CAMK1D: variants seen among roughly 807,000 people sequenced by gnomAD.
The protein encoded by CAMK1D is calcium/calmodulin-dependent protein kinase type 1D.
CAMK1D carries 9 observed loss-of-function variants against 47.7 expected under a neutral mutation model. That is an observed-to-expected ratio of 0.19 (90% CI 0.11 to 0.33). The LOEUF is 0.33. CAMK1D is among the 10% of genes least tolerant of loss of function. CAMK1D has a pLI of 1.00. For missense variants in CAMK1D, 291 were observed against 488.7 expected, an observed-to-expected ratio of 0.60 and a Z score of 3.81; for synonymous variants, 184 against 184.9, an observed-to-expected ratio of 0.99 and a Z score of 0.04.
chr10:12,364,928 A>G (rs375989417), intron 1 of CAMK1D, among the ~76,000 whole-genome samples: 72 of 151,906 alleles, frequency 4.7e-4, no homozygotes, highest in African/African-American at 1.7e-3. Flanking sequence ...CTGCCAGTGA[A>G]GAACTATGGA....
intron 1 of CAMK1D, among the ~76,000 whole-genome samples, chr10:12,512,518 C>T (rs1835070197): frequency 6.6e-6 from 1 of 152,210 alleles, no homozygotes; most frequent in Non-Finnish European, 1.5e-5. Context: ...GCCTCAGCAG[C>T]TGCCCGTTGG....
chr10:12,697,160 G>C (rs1237947095), intron 3 of CAMK1D, among the ~76,000 whole-genome samples: 1 of 152,166 alleles, frequency 6.6e-6, no homozygotes, highest in Non-Finnish European at 1.5e-5. Flanking sequence ...AAATGTGGAG[G>C]CAAATTTGAG....
chr10:12,542,999 G>A (rs914251463), intron 1 of CAMK1D, among the ~76,000 whole-genome samples: 1 of 151,816 alleles, frequency 6.6e-6, no homozygotes, highest in Non-Finnish European at 1.5e-5. Flanking sequence ...CCCACTCCTC[G>A]GCCACCCAAA....
At chr10:12,372,634 A>T (rs1327002630) in intron 1 of CAMK1D, among the ~76,000 whole-genome samples, 1 of 152,116 alleles carries the variant, frequency 6.6e-6, no homozygotes, top group Non-Finnish European at 1.5e-5. Context: ...TTATTAATTA[A>T]TCGAGACAGG....
chr10:12,674,096 C>T (rs1367256483), intron 3 of CAMK1D, among the ~76,000 whole-genome samples: 1 of 152,120 alleles, frequency 6.6e-6, no homozygotes, highest in African/African-American at 2.4e-5. Context: ...CAGGCATGTG[C>T]CACCATGCCT....
chr10:12,802,022 C>T (rs771041622), intron 6 of CAMK1D, among the ~76,000 whole-genome samples: 1 of 152,298 alleles, frequency 6.6e-6, no homozygotes, highest in African/African-American at 2.4e-5. Flanking sequence ...CTTCTATTCT[C>T]CTTCATGGCC....
chr10:12,814,050 A>C, intron 6 of CAMK1D, 145 bp from the exon 7 acceptor site: 1 of 564,056 alleles, frequency 1.8e-6, no homozygotes. Context: ...TGGCCTCCCA[A>C]ATTGCTGGGA....
intron 1 of CAMK1D, among the ~76,000 whole-genome samples, chr10:12,442,895 A>G (rs1588490543): frequency 6.6e-6 from 1 of 152,358 alleles, no homozygotes; most frequent in East Asian, 1.9e-4. Context: ...GACAAGAGAC[A>G]GCAGTGTGAT....
chr10:12,408,192 C>A (rs377007433), intron 1 of CAMK1D, among the ~76,000 whole-genome samples: 2 of 148,418 alleles, frequency 1.3e-5, no homozygotes, highest in Non-Finnish European at 3.0e-5. Flanking sequence ...GATGGAGTCT[C>A]GGTCTGTTGC....
chr10:12,471,171 C>A (rs1307283799), intron 1 of CAMK1D, among the ~76,000 whole-genome samples: 2 of 152,196 alleles, frequency 1.3e-5, no homozygotes, highest in African/African-American at 2.4e-5. Flanking sequence ...CTGATTCCCC[C>A]ACCCCAGCGC....
At chr10:12,752,286 G>A (rs901420812) in intron 3 of CAMK1D, among the ~76,000 whole-genome samples, 6 of 152,162 alleles carry the variant, frequency 3.9e-5, no homozygotes, top group African/African-American at 9.7e-5. Context: ...GTGAGCCACC[G>A]CGCTGGCCAG....
intron 6 of CAMK1D, among the ~76,000 whole-genome samples, chr10:12,802,862 C>A (rs1228007249): frequency 1.3e-5 from 2 of 152,158 alleles, no homozygotes; most frequent in East Asian, 3.8e-4. Flanking sequence ...TCGTCTCTGG[C>A]TCTGTTTCTA....
intron 1 of CAMK1D, among the ~76,000 whole-genome samples, chr10:12,434,313 G>A (rs1832568196): frequency 6.6e-6 from 1 of 152,346 alleles, no homozygotes; most frequent in East Asian, 1.9e-4. Flanking sequence ...GTGACCCCAG[G>A]TAAGCCATTT....
At chr10:12,490,235 T>TGAG (rs1246844942) in intron 1 of CAMK1D, among the ~76,000 whole-genome samples, 1 of 151,978 alleles carries the variant, frequency 6.6e-6, no homozygotes, top group East Asian at 2.0e-4. Flanking sequence ...CCCTCCTGCC[T>TGAG]GAGGACATTG....
At chr10:12,658,537 T>C (rs756969309) in intron 2 of CAMK1D, among the ~76,000 whole-genome samples, 1 of 152,152 alleles carries the variant, frequency 6.6e-6, no homozygotes, top group Admixed American at 6.5e-5. Flanking sequence ...TCTGTTTTTG[T>C]GCCCAAATGT....
chr10:12,727,794 C>T (rs373771735), intron 3 of CAMK1D, among the ~76,000 whole-genome samples: 4 of 144,250 alleles, frequency 2.8e-5, no homozygotes, highest in African/African-American at 1.0e-4. Flanking sequence ...GACTGAGTCT[C>T]GCTCTGTCAC....
At chr10:12,732,578 A>G (rs1415983804) in intron 3 of CAMK1D, among the ~76,000 whole-genome samples, 2 of 152,076 alleles carry the variant, frequency 1.3e-5, no homozygotes, top group East Asian at 1.9e-4. Flanking sequence ...CAAAAGTGGA[A>G]ACCCCTGGTA....
intron 2 of CAMK1D, among the ~76,000 whole-genome samples, chr10:12,620,192 A>AAAAAAAAAT (rs1838951214): frequency 2.1e-5 from 1 of 47,548 alleles, no homozygotes; most frequent in Non-Finnish European, 9.1e-5. Flanking sequence ...GTCTCAAAAA[A>AAAAAAAAAT]AAAAAAAAAA....
At chr10:12,816,103 T>G in intron 7 of CAMK1D, 147 bp from the exon 8 acceptor site, 1 of 570,276 alleles carries the variant, frequency 1.8e-6, no homozygotes, top group Non-Finnish European at 3.1e-6. Flanking sequence ...CGCTGGTGCC[T>G]TTGTGTCCAA....
Sources: gnomAD v4.1 joint callset for allele counts (sites outside exome capture counted in the v4.1 genomes callset) on GRCh38, gnomAD v4.1.1 for gene constraint, MANE v1.5 for transcripts, NCBI Gene and HGNC (gene_info 2026-07-23, HGNC 2026-07-21) for gene names.